Variants in SECISBP2 observed in about 807,000 individuals in gnomAD.
SECISBP2 encodes the protein selenocysteine insertion sequence-binding protein 2.
A neutral mutation model predicts 98.2 loss-of-function variants in SECISBP2; 96 were observed. That is an observed-to-expected ratio of 0.98 (90% CI 0.83 to 1.16). The LOEUF (loss-of-function observed/expected upper bound fraction) is 1.16, where lower values mean the gene tolerates loss of function less well. Ranked by LOEUF, SECISBP2 falls within the 50% of genes most tolerant of loss-of-function variation. The pLI, the probability that SECISBP2 is intolerant of heterozygous loss-of-function variation, is 0.00. For synonymous variants in SECISBP2, 407 were observed against 370.2 expected, an observed-to-expected ratio of 1.10 and a Z score of -1.14; for missense variants, 1,046 against 1,022.9, an observed-to-expected ratio of 1.02 and a Z score of -0.31.
In SECISBP2 at chr9:89,344,739, A is replaced by G. The variant is rs149427193; in HGVS notation, c.1436-2143A>G. Among the ~76,000 whole-genome samples the G allele has an allele frequency of 9.6e-4, 146 of 152,232 alleles. 2 individuals carry two copies. Among genetic ancestry groups the G allele is most frequent in the African/African-American group, 3.5e-3 (144 of 41,542 alleles). On this transcript the variant is annotated intron_variant, in intron 10 of 16. Coordinates refer to ENST00000375807, the MANE Select transcript of SECISBP2 (RefSeq NM_024077.5). Reference sequence around the variant, plus strand: ...AGTTGCTGTAGGGATTACAATATACATGTTAGTTTATATATTGAAGAAACT... The same window carrying G: ...AGTTGCTGTAGGGATTACAATATACGTGTTAGTTTATATATTGAAGAAACT...
At chr9:89,321,271 A>C (rs532528611) in intron 2 of SECISBP2, among the ~76,000 whole-genome samples, 1 of 152,374 alleles carries the variant, frequency 6.6e-6, no homozygotes, top group Admixed American at 6.5e-5. Flanking sequence ...TAGTTACTCA[A>C]AATAGTGGTG....
At chr9:89,349,674 G>T (rs1234728792) in intron 12 of SECISBP2, 102 bp from the exon 13 acceptor site, 3 of 1,223,192 alleles carry the variant, frequency 2.5e-6, no homozygotes, top group Non-Finnish European at 3.6e-6. Context: ...TGGTGGTTGT[G>T]TGCAGGGGTC....
Position 89,328,673 on chromosome 9 carries a change from G to A in SECISBP2, c.588G>A (p.Lys196=), listed in dbSNP as rs752793372. The A allele has an allele frequency of 1.2e-6, 2 of 1,613,884 alleles. No homozygotes were observed. Among genetic ancestry groups the A allele is most frequent in the Non-Finnish European group, 1.7e-6 (2 of 1,179,756 alleles). Residue 196 remains lysine (K), a synonymous_variant, in exon 5 of 17, where the codon AAG becomes AAA. Transcript: ENST00000375807. The part of the protein sequence containing the change: ...ENSLKSDGYH[K]RTDRKSRIIA... The stretch of plus-strand genomic sequence containing the variant: ...TTGTAATTACAGATGGTTACCATAA[G>A]CGAACAGACAGGAAATCCAGAATCA...
At chr9:89,363,899 G>A (rs1052739705), downstream of SECISBP2, 2 of 1,613,970 alleles carry the variant, frequency 1.2e-6, no homozygotes, top group Non-Finnish European at 1.7e-6. Flanking sequence ...AGGGACACAG[G>A]TCTCCAGAGC....
At chr9:89,349,632 C>G in intron 12 of SECISBP2, 144 bp from the exon 13 acceptor site, 1 of 901,450 alleles carries the variant, frequency 1.1e-6, no homozygotes, top group South Asian at 1.4e-5. Flanking sequence ...TTTCTGCCTT[C>G]TGTAAACCTC....
chr9:89,347,306 T>A (rs1281049125), intron 11 of SECISBP2, among the ~76,000 whole-genome samples: 1 of 152,076 alleles, frequency 6.6e-6, no homozygotes, highest in Non-Finnish European at 1.5e-5. Flanking sequence ...TTGCAATGGA[T>A]GGACAGAAAA....
At chr9:89,326,098 C>G (rs1465435728) in intron 4 of SECISBP2, 60 bp downstream of exon 4, 2 of 1,579,854 alleles carry the variant, frequency 1.3e-6, no homozygotes, top group African/African-American at 1.3e-5. Flanking sequence ...CAGAAACATT[C>G]CTGCTATGTA....
chr9:89,340,793 A>G (rs1008642121), intron 9 of SECISBP2, among the ~76,000 whole-genome samples: 2 of 152,230 alleles, frequency 1.3e-5, no homozygotes, highest in Non-Finnish European at 2.9e-5. Flanking sequence ...TCCTTGTACA[A>G]CTTTTTATAT....
At chr9:89,364,955 G>C in the SECISBP2 span, 1 of 152,084 alleles carries the variant, frequency 6.6e-6, no homozygotes. Context: ...TTTGGGCGGG[G>C]GGGAGGGGCA....
intron 1 of SECISBP2, chr9:89,318,890 C>A: frequency 8.0e-7 from 1 of 1,243,546 alleles, no homozygotes; most frequent in Non-Finnish European, 1.0e-6. Context: ...GCGCTCCCCG[C>A]AGTCGGGGCG....
chr9:89,357,311 T>C (rs1400864746), intron 14 of SECISBP2, 100 bp from the exon 15 acceptor site: 12 of 1,283,500 alleles, frequency 9.3e-6, no homozygotes, highest in African/African-American at 1.5e-5. Context: ...TATAAAATCA[T>C]AGATGGGTGT....
chr9:89,325,509 C>G lies in SECISBP2; in HGVS notation c.265C>G (p.Pro89Ala). Reference sequence around the variant, plus strand: ...TTTATCTTCTGAGATAACTCTTCATCCATATGCCTATTCTCCTTATACCCT... The same window carrying G: ...TTTATCTTCTGAGATAACTCTTCATGCATATGCCTATTCTCCTTATACCCT... ...QYLSSEITLHPYAYSPYTLDS... is the reference protein window; with the variant it reads ...QYLSSEITLHAYAYSPYTLDS... The change falls in exon 3 of 17, where the codon CCA becomes GCA. Residue 89 changes from proline (P) to alanine (A), a missense_variant. Pro to Ala is a conservative substitution (Grantham distance 27, BLOSUM62 -1). Coordinates refer to ENST00000375807, the MANE Select transcript of SECISBP2 (RefSeq NM_024077.5). 2 of 1,613,970 alleles carry G rather than the reference C, an allele frequency of 1.2e-6. No individual in the cohort carries two copies. The highest frequency in any genetic ancestry group is 1.6e-4 in the Middle Eastern group (1 of 6,062).
At chr9:89,331,063 G>A (rs1281182300) in intron 5 of SECISBP2, among the ~76,000 whole-genome samples, 3 of 152,136 alleles carry the variant, frequency 2.0e-5, no homozygotes, top group Non-Finnish European at 4.4e-5. Flanking sequence ...TATTAGTAAT[G>A]TCTGAAAATG....
chr9:89,330,330 TC>T lies in SECISBP2; in HGVS notation c.801+1446del, dbSNP rs1827534981. The T allele has an allele frequency of 2.0e-5, 3 of 152,232 alleles. No homozygotes were observed. In the South Asian group the frequency reaches 6.2e-4, roughly 32 times the overall value. The allele number at this position is 152,232 out of a possible 1,614,324, so 9.4% of individuals were successfully genotyped here. On this transcript the variant is annotated intron_variant, in intron 5 of 16. Transcript: ENST00000375807. ...CTCTCAAATGGATTGATTTGAGACT[TC>T]CAGGAAGAAATAGTGTCTGGTTAGT...
chr9:89,318,940 T>C lies in SECISBP2; in HGVS notation c.36+328T>C. 3 of 1,179,588 alleles carry C rather than the reference T, an allele frequency of 2.5e-6. No individual in the cohort carries two copies. In the East Asian group the frequency reaches 1.2e-4, roughly 47 times the overall value. The allele number at this position is 1,179,588 out of a possible 1,614,324, so 73.1% of individuals were successfully genotyped here. ...AGCTTCCCGCGCTCTTGGGAACGGA[T>C]AGATTGTTTTAAAGGATCCTGCGTT... On this transcript the variant is annotated intron_variant, in intron 1 of 16. Transcript: ENST00000375807.
At position 89,339,911 on chromosome 9, in the gene SECISBP2, C is replaced by T; in HGVS notation, c.1260C>T (p.Asp420=). Residue 420 remains aspartate (D), a synonymous_variant, in exon 9 of 17, where the codon GAC becomes GAT. Transcript: ENST00000375807. ...PNLAVASERR[D]RIETPKFQSK... ...TGGCAGTTGCATCTGAAAGAAGAGACAGAATAGAGACACCGAAATTTCAAT... is the reference window on the plus strand; with the variant it reads ...TGGCAGTTGCATCTGAAAGAAGAGATAGAATAGAGACACCGAAATTTCAAT... 6.2e-7 allele frequency: 1 copy of T among 1,613,750 alleles called. No individual in the cohort carries two copies. The highest frequency in any genetic ancestry group is 8.5e-7 in the Non-Finnish European group (1 of 1,179,766).
At chr9:89,352,905 A>G (rs1358962814) in intron 14 of SECISBP2, among the ~76,000 whole-genome samples, 8 of 150,494 alleles carry the variant, frequency 5.3e-5, no homozygotes, top group African/African-American at 2.0e-4. Flanking sequence ...AATGATGCCT[A>G]GTTCCTCTCC....
rs552149242 is a variant in SECISBP2, at chr9:89,334,432, C to T, written c.881-90C>T. 66 of 1,024,312 alleles carry T rather than the reference C, an allele frequency of 6.4e-5. No individual in the cohort carries two copies. In the Middle Eastern group the frequency reaches 1.3e-3, roughly 20 times the overall value. 63.5% of individuals were successfully genotyped at this position (1,024,312 alleles called of 1,614,324 possible). A position where few individuals can be genotyped will look rare whatever the true frequency, so the allele number is the denominator to read the frequency against. On this transcript the variant is annotated intron_variant, in intron 6 of 16. Transcript: ENST00000375807. Reference sequence around the variant, plus strand: ...AGCCTACATTTAATGATGCTCTGAGCAGTTACCTCATGTAATGCATGTTTG... The same window carrying T: ...AGCCTACATTTAATGATGCTCTGAGTAGTTACCTCATGTAATGCATGTTTG...
chr9:89,319,587 T>G, intron 1 of SECISBP2, 65 bp from the exon 2 acceptor site: 2 of 1,584,076 alleles, frequency 1.3e-6, no homozygotes, highest in Non-Finnish European at 1.7e-6. Context: ...TCTTGGGTCT[T>G]TTTGTTTGTT....
Sources: gnomAD v4.1 joint callset for allele counts (sites outside exome capture counted in the v4.1 genomes callset) on GRCh38, gnomAD v4.1.1 for gene constraint, MANE v1.5 for transcripts, NCBI Gene and HGNC (gene_info 2026-07-23, HGNC 2026-07-21) for gene names.